The following ARAP2 variants were observed in gnomAD, a reference collection of about 807,000 sequenced individuals.
ARAP2 encodes the protein ArfGAP with RhoGAP domain, ankyrin repeat and PH domain 2.
A neutral mutation model predicts 194.5 loss-of-function variants in ARAP2; 148 were observed. The observed-to-expected ratio is 0.76, with a 90% CI of 0.67 to 0.87. The LOEUF is 0.87. ARAP2 is among the 40% of genes least tolerant of loss of function. The pLI is 0.00. For missense variants in ARAP2, 2,128 were observed against 1,989.7 expected, an observed-to-expected ratio of 1.07 and a Z score of -1.32; for synonymous variants, 695 against 683.5, an observed-to-expected ratio of 1.02 and a Z score of -0.26.
At chr4:36,159,687 T>G (rs748402962) in intron 13 of ARAP2, 182 bp from the exon 14 acceptor site, 6 of 465,760 alleles carry the variant, frequency 1.3e-5, no homozygotes, top group Non-Finnish European at 2.1e-5. Context: ...TTTATGTGAA[T>G]TTAAATTACA....
intron 8 of ARAP2, among the ~76,000 whole-genome samples, chr4:36,013,073 T>A (rs1046349212): frequency 1.3e-5 from 2 of 152,226 alleles, no homozygotes; most frequent in Admixed American, 1.3e-4. Context: ...AATATATTTG[T>A]AGCCTAATGA....
intron 19 of ARAP2, among the ~76,000 whole-genome samples, chr4:36,136,699 A>G (rs1403990210): frequency 6.6e-6 from 1 of 151,830 alleles, no homozygotes; most frequent in Non-Finnish European, 1.5e-5. Flanking sequence ...AGTCTTCCAC[A>G]GAAATACGGT....
intron 1 of ARAP2, among the ~76,000 whole-genome samples, chr4:36,232,331 T>C (rs773404908): frequency 1.7e-4 from 26 of 152,198 alleles, no homozygotes; most frequent in South Asian, 4.1e-4. Flanking sequence ...CAGTGAACTA[T>C]CAAACACACA....
intron 1 of ARAP2, among the ~76,000 whole-genome samples, chr4:36,243,197 G>T (rs1408138321): frequency 2.0e-5 from 3 of 151,852 alleles, no homozygotes; most frequent in South Asian, 4.2e-4. Context: ...TGGGCCTGTG[G>T]GGGTGTAGAG....
downstream of ARAP2, among the ~76,000 whole-genome samples, chr4:36,063,323 G>T (rs148469464): frequency 1.1e-3 from 166 of 152,118 alleles, 2 homozygotes; most frequent in African/African-American, 3.7e-3. Flanking sequence ...TGGGGGGTTG[G>T]GGGAGGGATA....
rs954010414 is a variant in ARAP2 at position 36,159,442 on chromosome 4, C to T, written c.2506G>A (p.Ala836Thr). ...TCTCCGGTGGCACACATGACATCTG[C>T]TCCACTGAACAGCAAAGCCATTGTT... is the stretch of plus-strand genomic sequence containing the variant. ...LETMALLFSG[A>T]DVMCATGDPV... The change falls in exon 14 of 33, where the codon GCA becomes ACA. Residue 836 changes from alanine to threonine, a missense_variant. Physicochemically the swap from Ala to Thr is moderately conservative, Grantham distance 58 (BLOSUM62 0). Coordinates refer to ENST00000303965, the MANE Select transcript of ARAP2 (RefSeq NM_015230.4). 1.2e-6 allele frequency: 2 copies of T among 1,605,500 alleles called. No homozygotes were observed. The highest frequency in any genetic ancestry group is 1.7e-5 in the Admixed American group (1 of 59,558).
intron 2 of ARAP2, among the ~76,000 whole-genome samples, chr4:36,222,398 G>A (rs572982806): frequency 6.6e-6 from 1 of 151,970 alleles, no homozygotes; most frequent in Non-Finnish European, 1.5e-5. Flanking sequence ...ATTTGTAATA[G>A]TTGAAAAGTG....
rs1209118077 is a variant in ARAP2, at chr4:36,228,830, A to T, written c.657T>A (p.Phe219Leu). The T allele has an allele frequency of 8.7e-6, 14 of 1,614,184 alleles. No individual in the cohort carries two copies. The highest frequency in any genetic ancestry group is 1.2e-5 in the Non-Finnish European group (14 of 1,180,022). ...LPNADSECLS[F>L]VGCSTSGTNS... The stretch of plus-strand genomic sequence containing the variant: ...TTGTTCCTGATGTTGAACAGCCAAC[A>T]AAAGAAAGGCATTCAGAGTCTGCAT... Residue 219 changes from phenylalanine (F) to leucine (L), a missense_variant, in exon 2 of 33, where the codon TTT (phenylalanine) becomes TTA (leucine). By Grantham distance (22) the Phe-to-Leu change is conservative (BLOSUM62 0). Transcript: ENST00000303965.
In ARAP2 at chr4:36,158,800, G is replaced by T. The variant is rs535975360; in HGVS notation, c.2682C>A (p.Phe894Leu). ...GAGCTTGATATAAAAAGTCACAGAG[G>T]AATGTGGACTGGGAAGACTCTTGAC... is the stretch of plus-strand genomic sequence containing the variant. The part of the protein sequence containing the change: ...VLSQESSQST[F>L]LCDFLYQAPS... Residue 894 changes from phenylalanine to leucine, a missense_variant, in exon 15 of 33, where the codon TTC becomes TTA. Phe to Leu is a conservative substitution (Grantham distance 22, BLOSUM62 0). Coordinates refer to ENST00000303965, the MANE Select transcript of ARAP2 (RefSeq NM_015230.4). 93 of 1,612,360 alleles carry T rather than the reference G, an allele frequency of 5.8e-5. 1 individual carries two copies. The South Asian group carries it at 9.7e-4, about 17-fold the overall frequency.
intron 22 of ARAP2, among the ~76,000 whole-genome samples, chr4:36,124,558 T>G (rs926157356): frequency 6.6e-6 from 1 of 151,890 alleles, no homozygotes; most frequent in Non-Finnish European, 1.5e-5. Context: ...GAGAAAATAC[T>G]GTCATCACAG....
intron 6 of ARAP2, among the ~76,000 whole-genome samples, chr4:36,194,629 C>G (rs557554727): frequency 2.6e-5 from 4 of 152,140 alleles, no homozygotes; most frequent in African/African-American, 9.6e-5. Context: ...GGGCTGGTTC[C>G]CCAGCCACAC....
intron 5 of ARAP2, among the ~76,000 whole-genome samples, chr4:36,024,732 T>C (rs925415308): frequency 1.3e-5 from 2 of 152,252 alleles, no homozygotes; most frequent in East Asian, 3.9e-4. Flanking sequence ...GTAATATGTG[T>C]ATAATAAATG....
rs148732088 is a variant in ARAP2, at chr4:36,058,319, T to A, written n.148-176A>T. Among the ~76,000 whole-genome samples the A allele has an allele frequency of 1.7e-3, 255 of 152,342 alleles. 1 individual carries two copies. The highest frequency in any genetic ancestry group is 5.8e-3 in the African/African-American group (240 of 41,582). On this transcript the variant is annotated intron_variant and non_coding_transcript_variant, in intron 1 of 12. Coordinates refer to the ARAP2 transcript ENST00000503225. ...CTAGCTATAGTTAGTTTTCTATTCC[T>A]CCATTCTTGCTAGGATTTTAGTGCC...
intron 22 of ARAP2, 150 bp from the exon 23 acceptor site, chr4:36,121,476 C>A: frequency 3.3e-6 from 2 of 604,194 alleles, no homozygotes; most frequent in Non-Finnish European, 5.4e-6. Context: ...ATGGTTCTTT[C>A]TTCTAAGTAG....
intron 6 of ARAP2, among the ~76,000 whole-genome samples, chr4:36,205,474 C>CA (rs966025065): frequency 1.1e-4 from 17 of 151,248 alleles, no homozygotes; most frequent in Admixed American, 2.6e-4. Context: ...TTATAACAAT[C>CA]AAAAAAAATG....
intron 1 of ARAP2, among the ~76,000 whole-genome samples, chr4:36,230,007 T>C (rs904242739): frequency 6.6e-6 from 1 of 152,230 alleles, no homozygotes; most frequent in Admixed American, 6.5e-5. Context: ...ATATAGTTCA[T>C]CAGAAAGGGT....
chr4:36,230,628 T>G (rs1252094260), intron 1 of ARAP2, among the ~76,000 whole-genome samples: 5 of 152,224 alleles, frequency 3.3e-5, no homozygotes, highest in African/African-American at 1.2e-4. Context: ...ACAGGTGTGT[T>G]CAGTTTATGA....
intron 5 of ARAP2, among the ~76,000 whole-genome samples, chr4:36,036,919 G>A (rs1480317762): frequency 6.6e-6 from 1 of 152,106 alleles, no homozygotes; most frequent in Non-Finnish European, 1.5e-5. Flanking sequence ...TGGTTCTTAT[G>A]TAATTTAATA....
chr4:36,034,735 T>C (rs1302825372), intron 5 of ARAP2, among the ~76,000 whole-genome samples: 1 of 152,142 alleles, frequency 6.6e-6, no homozygotes, highest in African/African-American at 2.4e-5. Context: ...GCAAGTGTCA[T>C]AGATCACTCT....
Sources: gnomAD v4.1 joint callset for allele counts (sites outside exome capture counted in the v4.1 genomes callset) on GRCh38, gnomAD v4.1.1 for gene constraint, MANE v1.5 for transcripts, NCBI Gene and HGNC (gene_info 2026-07-23, HGNC 2026-07-21) for gene names.